PADI3: variants seen among roughly 807,000 people sequenced by gnomAD.
The protein encoded by PADI3 is peptidyl arginine deiminase 3.
PADI3 carries 53 observed loss-of-function variants against 71.5 expected under a neutral mutation model. That is an observed-to-expected ratio of 0.74 (90% CI 0.59 to 0.93). The LOEUF is 0.93. PADI3 is among the 40% of genes least tolerant of loss of function. The pLI, the probability that PADI3 is intolerant of heterozygous loss-of-function variation, is 0.00. For missense variants in PADI3, 821 were observed against 868.0 expected (o/e 0.95, Z 0.68); for synonymous variants, 361 against 347.5 (o/e 1.04, Z -0.43).
At chr1:17,268,496 T>A (rs2073201175) in intron 6 of PADI3, among the ~76,000 whole-genome samples, 1 of 139,948 alleles carries the variant, frequency 7.1e-6, no homozygotes, top group Admixed American at 7.2e-5. Flanking sequence ...AGTAATAAGA[T>A]GCTTTTTTTT....
In PADI3 at chr1:17,283,104, C is replaced by T. The variant is rs1318605683; in HGVS notation, c.*25C>T. 1.9e-6 allele frequency: 3 copies of T among 1,587,256 alleles called. No homozygotes were observed. Among genetic ancestry groups the T allele is most frequent in the Admixed American group, 1.7e-5 (1 of 59,698 alleles). On this transcript the variant is annotated 3_prime_UTR_variant, in exon 16 of 16. Transcript: ENST00000375460. Reference sequence around the variant, plus strand: ...AGACAGCTCCCACCCACCATCCTGTCCCCCTGGGGCGGGCATTGGCCCAGG... The same window carrying T: ...AGACAGCTCCCACCCACCATCCTGTTCCCCTGGGGCGGGCATTGGCCCAGG...
In PADI3 at chr1:17,259,728, C is replaced by T; in HGVS notation, c.243C>T (p.Asn81=). 1 of 1,611,462 alleles carries T rather than the reference C, an allele frequency of 6.2e-7. No individual in the cohort carries two copies. Among genetic ancestry groups the T allele is most frequent in the Non-Finnish European group, 8.5e-7 (1 of 1,178,242 alleles). ...CTTTGGAGATCATCGTGGTCATGAA[C>T]TCCCCCAGCAATGACCTCAACGACA... is the stretch of plus-strand genomic sequence containing the variant. ...DATLEIIVVM[N]SPSNDLNDSH... is the part of the protein sequence containing the mutation. The change falls in exon 2 of 16, where the codon AAC becomes AAT. Residue 81 remains asparagine (N), a synonymous_variant. Coordinates refer to ENST00000375460, the MANE Select transcript of PADI3 (RefSeq NM_016233.2).
At chr1:17,251,961 AG>A (rs1276725016) in intron 1 of PADI3, among the ~76,000 whole-genome samples, 1 of 152,160 alleles carries the variant, frequency 6.6e-6, no homozygotes, top group Non-Finnish European at 1.5e-5. Context: ...TTCCTGGAGG[AG>A]GGGCACCAAT....
intron 13 of PADI3, chr1:17,278,043 ACAGGGTGG>A (rs2100601302): frequency 6.5e-6 from 1 of 153,228 alleles, no homozygotes; most frequent in Non-Finnish European, 1.5e-5. Context: ...TGTGAGGCCC[ACAGGGTGG>A]GCCCTGACAC....
chr1:17,278,971 ACGCACC>A (rs2073367743), intron 13 of PADI3, among the ~76,000 whole-genome samples: 1 of 152,202 alleles, frequency 6.6e-6, no homozygotes. Context: ...TTGCTCCCAA[ACGCACC>A]CTAACTAGAC....
At chr1:17,266,921 C>G (rs1455766500) in intron 5 of PADI3, 85 bp downstream of exon 5, 9 of 1,040,560 alleles carry the variant, frequency 8.6e-6, no homozygotes, top group Non-Finnish European at 1.0e-5. Flanking sequence ...AGGCGAGACT[C>G]TGAGGCCAGA....
At position 17,268,975 on chromosome 1, in the gene PADI3, T is replaced by C. The variant is rs1231921276; in HGVS notation, c.652+1013T>C. On this transcript the variant is annotated intron_variant, in intron 6 of 15. Coordinates refer to ENST00000375460, the MANE Select transcript of PADI3 (RefSeq NM_016233.2). ...ATCTCAGCTCACTGCAGCCTCCACC[T>C]TTCAGGCTCAAGCAATCCTTCCACC... is the stretch of plus-strand genomic sequence containing the variant. 2.0e-5 allele frequency among the ~76,000 whole-genome samples: 3 copies of C among 150,998 alleles called. No individual in the cohort carries two copies. In the East Asian group the frequency reaches 5.9e-4, roughly 29 times the overall value.
In PADI3 at chr1:17,255,826, C is replaced by T. The variant is rs143711969; in HGVS notation, c.93-3752C>T. On this transcript the variant is annotated intron_variant, in intron 1 of 15. Transcript: ENST00000375460. ...CTCCTCATCCCCACCAGATAGATGT[C>T]GATGCTGCGGCTGAGGGAGGCAGTC... 1.5e-3 allele frequency among the ~76,000 whole-genome samples: 235 copies of T among 152,222 alleles called. 4 individuals carry two copies. The East Asian group carries it at 0.041, about 27-fold the overall frequency.
intron 9 of PADI3, 21 bp from the exon 10 acceptor site, chr1:17,273,319 C>CT (rs2073280552): frequency 6.3e-7 from 1 of 1,593,206 alleles, no homozygotes; most frequent in Non-Finnish European, 8.6e-7. Context: ...CTGTGCGTCT[C>CT]TCGCCTCTCC....
At chr1:17,269,899 A>G (rs905208007) in intron 6 of PADI3, among the ~76,000 whole-genome samples, 2 of 152,144 alleles carry the variant, frequency 1.3e-5, no homozygotes, top group African/African-American at 4.8e-5. Flanking sequence ...GATTACAGAC[A>G]TGAGCCACCG....
At chr1:17,252,913 G>A (rs1207452689) in intron 1 of PADI3, among the ~76,000 whole-genome samples, 1 of 152,198 alleles carries the variant, frequency 6.6e-6, no homozygotes, top group Non-Finnish European at 1.5e-5. Context: ...GGTCACCTTT[G>A]GGATTCATCA....
chr1:17,263,010 G>A (rs992268348), intron 3 of PADI3, among the ~76,000 whole-genome samples: 6 of 152,202 alleles, frequency 3.9e-5, no homozygotes, highest in African/African-American at 1.4e-4. Context: ...CGCCTCCTGG[G>A]TTCAAACGAT....
chr1:17,270,424 G>A lies in PADI3; in HGVS notation c.831+13G>A, dbSNP rs141504658. ...CGACTCCAACGAGGTAGGGACAGAG[G>A]GGGTTCAAGAGGAGCTCCACTCGGG... On this transcript the variant is annotated intron_variant, in intron 7 of 15. Transcript: ENST00000375460. The A allele has an allele frequency of 3.0e-5, 48 of 1,607,644 alleles. No individual in the cohort carries two copies. In the African/African-American group the frequency reaches 4.0e-4, roughly 13 times the overall value.
intron 7 of PADI3, 35 bp from the exon 8 acceptor site, chr1:17,270,844 T>G: frequency 6.6e-7 from 1 of 1,508,534 alleles, no homozygotes; most frequent in Non-Finnish European, 9.2e-7. Context: ...GGACTCCAAG[T>G]CCAGTGCTCT....
Position 17,280,437 on chromosome 1 carries a change from G to A in PADI3, c.1635+8G>A. On this transcript the variant is annotated splice_region_variant and intron_variant, in intron 14 of 15. Coordinates refer to ENST00000375460, the MANE Select transcript of PADI3 (RefSeq NM_016233.2). ...TACAATAAGTTTGTGCAGGTACAAG[G>A]GCTGTGGTGTACCTGTGGGCTGTGA... 3 of 1,608,440 alleles carry A rather than the reference G, an allele frequency of 1.9e-6. No homozygotes were observed. Among genetic ancestry groups the A allele is most frequent in the Non-Finnish European group, 2.6e-6 (3 of 1,174,782 alleles).
At chr1:17,250,421 G>A (rs1041919633) in intron 1 of PADI3, among the ~76,000 whole-genome samples, 5 of 152,188 alleles carry the variant, frequency 3.3e-5, no homozygotes, top group African/African-American at 9.7e-5. Context: ...CCCTGGGGTG[G>A]GAAGAAAATA....
chr1:17,274,668 C>T lies in PADI3; in HGVS notation c.1189C>T (p.Arg397Cys), dbSNP rs139324096. Residue 397 changes from arginine (R) to cysteine (C), a missense_variant, in exon 11 of 16, where the codon CGC (arginine) becomes TGC (cysteine). Transcript: ENST00000375460. ...PDFGYVTREPRDRSVSGLDSF... is the reference protein window; with the variant it reads ...PDFGYVTREPCDRSVSGLDSF... Reference sequence around the variant, plus strand: ...TTTTGGTTACGTGACTCGGGAACCACGCGACAGGTCTGTGAGTGGCCTGGA... The same window carrying T: ...TTTTGGTTACGTGACTCGGGAACCATGCGACAGGTCTGTGAGTGGCCTGGA... The T allele has an allele frequency of 5.5e-4, 886 of 1,613,440 alleles. 5 individuals carry two copies. The highest frequency in any genetic ancestry group is 3.8e-4 in the Admixed American group (23 of 59,926).
chr1:17,267,020 AG>A (rs2073179234), intron 5 of PADI3, among the ~76,000 whole-genome samples, 184 bp downstream of exon 5: 1 of 152,146 alleles, frequency 6.6e-6, no homozygotes, highest in Non-Finnish European at 1.5e-5. Flanking sequence ...TAGTGTCTCT[AG>A]GGCCAGTGAG....
rs777021530 is a variant in PADI3 at position 17,273,368 on chromosome 1, C to T, written c.1076C>T (p.Ala359Val). Residue 359 changes from alanine to valine, a missense_variant, in exon 10 of 16, where the codon GCG becomes GTG. Transcript: ENST00000375460. Reference sequence around the variant, plus strand: ...GAGATGGAGCTGGGCTACGTTCAGGCGCCGCACAAGACCCTCCCGGTGGTC... The same window carrying T: ...GAGATGGAGCTGGGCTACGTTCAGGTGCCGCACAAGACCCTCCCGGTGGTC... ...QDEMELGYVQ[A>V]PHKTLPVVFD... 37 of 1,613,414 alleles carry T rather than the reference C, an allele frequency of 2.3e-5. 1 individual carries two copies. Among genetic ancestry groups the T allele is most frequent in the South Asian group, 1.4e-4 (13 of 90,976 alleles).
Sources: allele counts gnomAD v4.1 joint callset (sites outside exome capture counted in the v4.1 genomes callset), GRCh38; gene constraint gnomAD v4.1.1; transcripts MANE v1.5; gene names NCBI Gene and HGNC (gene_info 2026-07-23, HGNC 2026-07-21).